GPR173: variants seen among roughly 807,000 people sequenced by gnomAD.
GPR173 encodes the protein probable G protein-coupled receptor 173.
GPR173 carries 2 observed loss-of-function variants against 13.9 expected under a neutral mutation model. That is an observed-to-expected ratio of 0.14 (90% confidence interval 0.06 to 0.45). GPR173 has a LOEUF of 0.45. Among genes scored for constraint, GPR173 ranks in the 20% least tolerant of loss-of-function variants. The pLI, the probability that GPR173 is intolerant of heterozygous loss-of-function variation, is 0.98. For missense variants in GPR173, 202 were observed against 340.5 expected (o/e 0.59, Z 3.20); for synonymous variants, 131 against 141.0 (o/e 0.93, Z 0.50).
chrX:53,078,463 G>A lies in GPR173; in HGVS notation c.*720G>A, dbSNP rs1325072201. 2 of 123,218 alleles carry A rather than the reference G, an allele frequency of 1.6e-5. No individual in the cohort carries two copies. The highest frequency in any genetic ancestry group is 3.8e-5 in the Non-Finnish European group (2 of 53,262). The allele number at this position is 123,218 out of a possible 1,213,427, so 10.2% of individuals were successfully genotyped here. ...ATCTGTTGGAGAAGTCAAGGGAGTAGGGAGAAGGGCCCCAAGGATGGGCCC... is the reference window on the plus strand; with the variant it reads ...ATCTGTTGGAGAAGTCAAGGGAGTAAGGAGAAGGGCCCCAAGGATGGGCCC... On this transcript the variant is annotated 3_prime_UTR_variant, in exon 2 of 2. Transcript: ENST00000332582.
intron 1 of GPR173, among the ~76,000 whole-genome samples, chrX:53,062,022 A>AGAAGG (rs1932133734): frequency 9.0e-6 from 1 of 110,704 alleles, no homozygotes; most frequent in Non-Finnish European, 1.9e-5. Flanking sequence ...AGAAGAGAAG[A>AGAAGG]AAAGGGAGCC....
rs1253727187 is a variant in GPR173 at position 53,049,061 on chromosome X, G to T, written c.-521G>T. The T allele has an allele frequency of 1.4e-5, 1 of 70,324 alleles. No individual in the cohort carries two copies. The highest frequency in any genetic ancestry group is 6.9e-5 in the African/African-American group (1 of 14,557). The allele number at this position is 70,324 out of a possible 1,213,427, so 5.8% of individuals were successfully genotyped here. A position where few individuals can be genotyped will look rare whatever the true frequency, so the allele number is the denominator to read the frequency against. On this transcript the variant is annotated 5_prime_UTR_variant, in exon 1 of 2. Coordinates refer to ENST00000332582, the MANE Select transcript of GPR173 (RefSeq NM_018969.6). Reference sequence around the variant, plus strand: ...GCGGCGGCCAGCAGGCAGACGGAGGGGGGGGGTGGGGGGTGGGGGGGGTAG... The same window carrying T: ...GCGGCGGCCAGCAGGCAGACGGAGGTGGGGGGTGGGGGGTGGGGGGGGTAG...
intron 1 of GPR173, among the ~76,000 whole-genome samples, chrX:53,055,048 G>C (rs1556803094): frequency 9.1e-6 from 1 of 109,901 alleles, no homozygotes; most frequent in Non-Finnish European, 1.9e-5. Context: ...TGGGTGGTGT[G>C]TGTGAGACAG....
intron 1 of GPR173, among the ~76,000 whole-genome samples, chrX:53,052,994 G>A (rs139644752): frequency 0.013 from 1,483 of 112,015 alleles, 10 homozygotes; most frequent in Non-Finnish European, 0.021. Context: ...CTGTGAGAAT[G>A]TAGGTGTAAA....
At chrX:53,050,154 C>T (rs182273238) in intron 1 of GPR173, among the ~76,000 whole-genome samples, 1 of 111,276 alleles carries the variant, frequency 9.0e-6, no homozygotes, top group East Asian at 2.8e-4. Flanking sequence ...TTGCCGATTC[C>T]CAGCTAGGGG....
chrX:53,055,985 T>C (rs1932030197), intron 1 of GPR173, among the ~76,000 whole-genome samples: 1 of 108,115 alleles, frequency 9.2e-6, no homozygotes, highest in African/African-American at 3.4e-5. Flanking sequence ...TGAGTGTGAG[T>C]AATTGGATGG....
At chrX:53,059,470 T>G (rs901108513) in intron 1 of GPR173, among the ~76,000 whole-genome samples, 9 of 107,357 alleles carry the variant, frequency 8.4e-5, no homozygotes, top group African/African-American at 2.7e-4. Flanking sequence ...CTGTATAAGA[T>G]TAAAGATCCA....
Position 53,078,919 on chromosome X carries a change from T to C in GPR173, c.*1176T>C, listed in dbSNP as rs1262765739. 1 of 123,107 alleles carries C rather than the reference T, an allele frequency of 8.1e-6. No individual in the cohort carries two copies. The highest frequency in any genetic ancestry group is 1.9e-5 in the Non-Finnish European group (1 of 53,180). 10.1% of individuals were successfully genotyped at this position (123,107 alleles called of 1,213,427 possible). ...CCTCAAGCCCCTCCTTAGTAGCCCT[T>C]GGCTGACTGGGCCCTGAGCCCCAAG... On this transcript the variant is annotated 3_prime_UTR_variant, in exon 2 of 2. Transcript: ENST00000332582.
At chrX:53,061,140 G>A (rs1285744928) in intron 1 of GPR173, among the ~76,000 whole-genome samples, 2 of 108,246 alleles carry the variant, frequency 1.8e-5, no homozygotes, top group African/African-American at 6.8e-5. Context: ...GGAGAATGGC[G>A]TGGACCCAGG....
intron 1 of GPR173, among the ~76,000 whole-genome samples, chrX:53,072,741 GAA>G (rs1177381101): frequency 9.0e-6 from 1 of 111,216 alleles, no homozygotes; most frequent in African/African-American, 3.3e-5. Context: ...GAGAGAGAGA[GAA>G]AGAGAGTAAG....
intron 1 of GPR173, among the ~76,000 whole-genome samples, chrX:53,069,365 AAAGT>A (rs1299109252): frequency 7.1e-5 from 8 of 111,923 alleles, no homozygotes; most frequent in Non-Finnish European, 1.1e-4. Flanking sequence ...ATAAACTAGC[AAAGT>A]AATAATCATA....
At chrX:53,070,871 A>AT (rs1556804707) in intron 1 of GPR173, 1 of 112,626 alleles carries the variant, frequency 8.9e-6, no homozygotes, top group Non-Finnish European at 1.9e-5. Flanking sequence ...AATAAAAGAA[A>AT]AATGATTTAT....
At chrX:53,069,289 A>G in intron 1 of GPR173, among the ~76,000 whole-genome samples, 1 of 109,066 alleles carries the variant, frequency 9.2e-6, no homozygotes, top group Middle Eastern at 4.6e-3. Flanking sequence ...AAAAAAAAAC[A>G]GAAAAGAAAA....
In GPR173 at chrX:53,076,506, C is replaced by G. The variant is rs782022965; in HGVS notation, c.-97-19C>G. ...TGTCTCTCTGTGTCTGTGTCTCCCC[C>G]GCTCATTCCCATTTGCAGGTGCAAT... is the stretch of plus-strand genomic sequence containing the variant. On this transcript the variant is annotated intron_variant, in intron 1 of 1. Transcript: ENST00000332582. 1.6e-5 allele frequency: 8 copies of G among 499,183 alleles called. No individual in the cohort carries two copies. The highest frequency in any genetic ancestry group is 2.6e-5 in the Non-Finnish European group (8 of 306,548). 41.1% of individuals were successfully genotyped at this position (499,183 alleles called of 1,213,427 possible). A position where few individuals can be genotyped will look rare whatever the true frequency, so the allele number is the denominator to read the frequency against.
At chrX:53,066,661 A>G (rs1053155503) in intron 1 of GPR173, among the ~76,000 whole-genome samples, 6 of 108,439 alleles carry the variant, frequency 5.5e-5, no homozygotes, top group Non-Finnish European at 9.6e-5. Context: ...GCGAGACTCA[A>G]AAAAAAAAAA....
At chrX:53,074,409 T>G (rs1414710183) in intron 1 of GPR173, among the ~76,000 whole-genome samples, 3 of 43,025 alleles carry the variant, frequency 7.0e-5, no homozygotes, top group Non-Finnish European at 1.1e-4. Context: ...TATATTTATA[T>G]TTATATATAA....
intron 1 of GPR173, among the ~76,000 whole-genome samples, chrX:53,050,955 C>A (rs1280567628): frequency 2.7e-5 from 3 of 112,640 alleles, no homozygotes; most frequent in Non-Finnish European, 5.6e-5. Context: ...CCCCATGAGC[C>A]AGCAGAGGCC....
chrX:53,050,036 TC>T (rs1931935568), intron 1 of GPR173, among the ~76,000 whole-genome samples: 1 of 107,597 alleles, frequency 9.3e-6, no homozygotes, highest in South Asian at 4.1e-4. Flanking sequence ...GCCCAGACCA[TC>T]CCCCACTCCT....
intron 1 of GPR173, among the ~76,000 whole-genome samples, chrX:53,072,605 T>TCA (rs1556804895): frequency 2.7e-5 from 3 of 110,183 alleles, no homozygotes; most frequent in African/African-American, 9.9e-5. Flanking sequence ...TCTGTCTCTG[T>TCA]CACACACACC....
Sources: gnomAD v4.1 joint callset for allele counts (sites outside exome capture counted in the v4.1 genomes callset) on GRCh38, gnomAD v4.1.1 for gene constraint, MANE v1.5 for transcripts, NCBI Gene and HGNC (gene_info 2026-07-23, HGNC 2026-07-21) for gene names.